Variants in DLGAP2 observed in about 807,000 individuals in gnomAD.
DLGAP2 encodes the protein DLG associated protein 2.
DLGAP2 carries 26 observed loss-of-function variants against 100.3 expected under a neutral mutation model. The ratio of observed to expected loss-of-function variants is 0.26; its 90% CI spans 0.19 to 0.36. The LOEUF (loss-of-function observed/expected upper bound fraction) is 0.36, where lower values mean the gene tolerates loss of function less well. DLGAP2 is among the 10% of genes least tolerant of loss of function. The probability of loss-of-function intolerance (pLI) is 1.00; values close to 1 mark genes in which losing one functional copy is unlikely to be tolerated. For synonymous variants in DLGAP2, 886 were observed against 630.1 expected (o/e 1.41, Z -6.08); for missense variants, 1,858 against 1,453.2 (o/e 1.28, Z -4.53).
intron 3 of DLGAP2, among the ~76,000 whole-genome samples, chr8:1,485,227 T>C (rs1264488318): frequency 6.6e-6 from 1 of 152,240 alleles, no homozygotes; most frequent in Non-Finnish European, 1.5e-5. Flanking sequence ...TATGATACGC[T>C]TTTTTTGTAT....
intron 4 of DLGAP2, among the ~76,000 whole-genome samples, chr8:1,528,650 A>G (rs1246828318): frequency 6.6e-6 from 1 of 152,224 alleles, no homozygotes. Context: ...GTCCTCAGTC[A>G]ACATGGCTTT....
intron 6 of DLGAP2, among the ~76,000 whole-genome samples, chr8:1,607,574 T>A (rs369613915): frequency 3.9e-5 from 6 of 152,214 alleles, no homozygotes; most frequent in African/African-American, 1.2e-4. Flanking sequence ...AAAATTGACT[T>A]CAGAGCGTGA....
chr8:776,857 C>G (rs1263651101), intron 1 of DLGAP2, among the ~76,000 whole-genome samples: 1 of 152,092 alleles, frequency 6.6e-6, no homozygotes, highest in East Asian at 1.9e-4. Context: ...CTGTAGATGT[C>G]TATTAGGTCC....
chr8:1,262,365 A>G (rs751391498), intron 3 of DLGAP2: 1 of 152,182 alleles, frequency 6.6e-6, no homozygotes, highest in African/African-American at 2.4e-5. Flanking sequence ...ATGAGATAAA[A>G]ATGTTTAAAA....
intron 2 of DLGAP2, among the ~76,000 whole-genome samples, chr8:1,194,575 GC>G (rs1797710021): frequency 6.6e-6 from 1 of 152,178 alleles, no homozygotes; most frequent in Non-Finnish European, 1.5e-5. Context: ...CAGTCAGGAA[GC>G]CCTCAAGCAC....
intron 3 of DLGAP2, among the ~76,000 whole-genome samples, chr8:1,412,010 T>G (rs1162878367): frequency 1.3e-5 from 2 of 152,212 alleles, no homozygotes; most frequent in East Asian, 3.9e-4. Flanking sequence ...ACAGATGCCA[T>G]GGGCAGGTGA....
chr8:1,570,655 A>T (rs1802617081), intron 6 of DLGAP2, among the ~76,000 whole-genome samples: 1 of 151,688 alleles, frequency 6.6e-6, no homozygotes, highest in Non-Finnish European at 1.5e-5. Context: ...AAGAGAGGAC[A>T]CATCTGCTGG....
intron 8 of DLGAP2, 66 bp from the exon 9 acceptor site, chr8:1,668,263 A>T: frequency 7.2e-7 from 1 of 1,396,976 alleles, no homozygotes; most frequent in South Asian, 1.5e-5. Context: ...GGGCGTGGGG[A>T]AACAGTAGAC....
chr8:1,547,910 A>G (rs941299995), intron 4 of DLGAP2, among the ~76,000 whole-genome samples: 2 of 152,216 alleles, frequency 1.3e-5, no homozygotes, highest in African/African-American at 4.8e-5. Context: ...ATACCTGTGT[A>G]TGTGATACAT....
intron 13 of DLGAP2, among the ~76,000 whole-genome samples, chr8:1,694,779 A>G (rs1799338431): frequency 1.3e-5 from 2 of 152,214 alleles, no homozygotes; most frequent in South Asian, 4.1e-4. Context: ...GTGAATTTAA[A>G]AGACGGCAAT....
intron 8 of DLGAP2, among the ~76,000 whole-genome samples, chr8:1,663,240 T>C (rs887452247): frequency 2.0e-5 from 3 of 152,104 alleles, no homozygotes; most frequent in Non-Finnish European, 4.4e-5. Context: ...AGTGTGTGTG[T>C]ACATGCACAT....
chr8:1,093,828 C>G (rs1448281579), intron 2 of DLGAP2, among the ~76,000 whole-genome samples: 2 of 152,274 alleles, frequency 1.3e-5, no homozygotes, highest in Admixed American at 6.5e-5. Flanking sequence ...GCTTCTGGCT[C>G]TAGGAATATT....
chr8:1,299,249 C>T (rs556960234), intron 3 of DLGAP2, among the ~76,000 whole-genome samples: 1 of 152,328 alleles, frequency 6.6e-6, no homozygotes, highest in South Asian at 2.1e-4. Context: ...CCAGTCCTGA[C>T]CGTCCACAGA....
chr8:1,143,578 G>A (rs1051198607), intron 2 of DLGAP2, among the ~76,000 whole-genome samples: 3 of 152,162 alleles, frequency 2.0e-5, no homozygotes, highest in Admixed American at 1.3e-4. Flanking sequence ...ACTCAGCCCC[G>A]GGCTCTCCAG....
chr8:1,571,682 G>A (rs1434944081), intron 6 of DLGAP2, among the ~76,000 whole-genome samples: 2 of 131,718 alleles, frequency 1.5e-5, no homozygotes, highest in Admixed American at 7.8e-5. Context: ...AACTGTGGGG[G>A]CATCTTCTGG....
At chr8:893,644 C>T (rs910594042) in intron 1 of DLGAP2, among the ~76,000 whole-genome samples, 3 of 152,200 alleles carry the variant, frequency 2.0e-5, no homozygotes, top group Non-Finnish European at 2.9e-5. Flanking sequence ...GAGGGAAGTC[C>T]GTTAGGCATG....
intron 2 of DLGAP2, among the ~76,000 whole-genome samples, chr8:1,212,182 G>A (rs996601160): frequency 3.9e-4 from 59 of 152,214 alleles, no homozygotes; most frequent in African/African-American, 1.4e-3. Context: ...ATTCCCAAGA[G>A]CCTCATGTTC....
chr8:1,450,487 G>A (rs1254400534), intron 3 of DLGAP2, among the ~76,000 whole-genome samples: 1 of 147,250 alleles, frequency 6.8e-6, no homozygotes, highest in East Asian at 2.0e-4. Flanking sequence ...GGGTGAAGAT[G>A]AGGTGGGCGG....
At chr8:1,001,241 T>C (rs1177988034) in intron 2 of DLGAP2, among the ~76,000 whole-genome samples, 1 of 152,308 alleles carries the variant, frequency 6.6e-6, no homozygotes, top group South Asian at 2.1e-4. Context: ...CAGGACAGGG[T>C]TGTACTGCAC....
Sources: gnomAD v4.1 joint callset for allele counts (sites outside exome capture counted in the v4.1 genomes callset) on GRCh38, gnomAD v4.1.1 for gene constraint, MANE v1.5 for transcripts, NCBI Gene and HGNC (gene_info 2026-07-23, HGNC 2026-07-21) for gene names.